The following MAP2K1 variants were observed in gnomAD, a reference collection of about 807,000 sequenced individuals.
The protein encoded by MAP2K1 is mitogen-activated protein kinase kinase 1, also known as dual specificity mitogen-activated protein kinase kinase 1.
MAP2K1 carries 16 observed loss-of-function variants against 46.3 expected under a neutral mutation model. The observed-to-expected ratio is 0.35, with a 90% confidence interval of 0.23 to 0.52. The LOEUF (loss-of-function observed/expected upper bound fraction) is 0.52, where lower values mean the gene tolerates loss of function less well. Ranked by LOEUF, MAP2K1 falls within the 20% of genes least tolerant of loss-of-function variation. The pLI, the probability that MAP2K1 is intolerant of heterozygous loss-of-function variation, is 0.94. For synonymous variants in MAP2K1, 183 were observed against 185.6 expected (o/e 0.99, Z 0.11); for missense variants, 263 against 497.1 (o/e 0.53, Z 4.48).
Position 66,415,196 on chromosome 15 carries a change from C to G in MAP2K1, c.81-19831C>G. On this transcript the variant is annotated intron_variant, in intron 1 of 10. Coordinates refer to ENST00000307102, the MANE Select transcript of MAP2K1 (RefSeq NM_002755.4). ...TTGTTCTTCACTGGTATGACTGATG[C>G]CATCTTGGAGTCCTGGTGTCCACTG... is the stretch of plus-strand genomic sequence containing the variant. The G allele has an allele frequency of 7.9e-6, 4 of 508,666 alleles. No homozygotes were observed. The Admixed American group carries it at 8.1e-5, about 10-fold the overall frequency. 31.5% of individuals were successfully genotyped at this position (508,666 alleles called of 1,614,324 possible). A position where few individuals can be genotyped will look rare whatever the true frequency, so the allele number is the denominator to read the frequency against.
chr15:66,429,297 T>C (rs2093468277), intron 1 of MAP2K1, among the ~76,000 whole-genome samples: 5 of 152,008 alleles, frequency 3.3e-5, no homozygotes, highest in Admixed American at 3.3e-4. Context: ...GAAGTGCCAG[T>C]AGGGGAAATG....
At chr15:66,481,454 A>C (rs1192154133) in intron 5 of MAP2K1, among the ~76,000 whole-genome samples, 2 of 152,192 alleles carry the variant, frequency 1.3e-5, no homozygotes, top group Non-Finnish European at 2.9e-5. Context: ...ACTGTTCATG[A>C]TAACGGACTC....
chr15:66,466,023 A>G (rs1248731007), intron 5 of MAP2K1, among the ~76,000 whole-genome samples: 1 of 152,194 alleles, frequency 6.6e-6, no homozygotes, highest in Non-Finnish European at 1.5e-5. Context: ...GTCCCAAGAT[A>G]ACTTGGGGCT....
chr15:66,448,555 C>G (rs1318630179), intron 5 of MAP2K1, among the ~76,000 whole-genome samples: 1 of 152,222 alleles, frequency 6.6e-6, no homozygotes, highest in African/African-American at 2.4e-5. Flanking sequence ...TGTTCCCTCT[C>G]ATTTCCAGGG....
chr15:66,449,697 A>G (rs1891982975), intron 5 of MAP2K1, among the ~76,000 whole-genome samples: 1 of 152,180 alleles, frequency 6.6e-6, no homozygotes, highest in Non-Finnish European at 1.5e-5. Context: ...CCTGGCCAAC[A>G]TGGTGAAACC....
At chr15:66,475,374 C>T (rs922147614) in intron 5 of MAP2K1, among the ~76,000 whole-genome samples, 1 of 152,086 alleles carries the variant, frequency 6.6e-6, no homozygotes, top group African/African-American at 2.4e-5. Flanking sequence ...TTAACTGTTG[C>T]TTATCTACTT....
intron 5 of MAP2K1, among the ~76,000 whole-genome samples, chr15:66,472,813 A>G (rs1316929283): frequency 6.6e-6 from 1 of 152,198 alleles, no homozygotes; most frequent in East Asian, 1.9e-4. Context: ...TGACCCAGGC[A>G]CAAATGGGGA....
intron 9 of MAP2K1, 105 bp from the exon 10 acceptor site, chr15:66,489,613 C>T: frequency 1.1e-6 from 1 of 878,682 alleles, no homozygotes; most frequent in African/African-American, 1.6e-5. Context: ...CAAGCCCAGG[C>T]AATCCTCGGC....
intron 1 of MAP2K1, among the ~76,000 whole-genome samples, chr15:66,392,015 A>G (rs995119394): frequency 6.6e-6 from 1 of 152,216 alleles, no homozygotes; most frequent in Non-Finnish European, 1.5e-5. Context: ...GGCTCTGTAG[A>G]TTGGAGTCCT....
At chr15:66,443,082 A>ATTTTTTTTTTTTTTTTTTTTTTT in intron 3 of MAP2K1, among the ~76,000 whole-genome samples, 198 bp from the exon 4 acceptor site, 1 of 91,064 alleles carries the variant, frequency 1.1e-5, no homozygotes. Context: ...TTGTGTGTGT[A>ATTTTTTTTTTTTTTTTTTTTTTT]TTTTTTTTTT....
At chr15:66,433,066 C>G (rs143069107) in intron 1 of MAP2K1, among the ~76,000 whole-genome samples, 43 of 151,336 alleles carry the variant, frequency 2.8e-4, no homozygotes, top group African/African-American at 9.9e-4. Flanking sequence ...TGTAACCTCA[C>G]TCAGGTTTTA....
intron 5 of MAP2K1, 171 bp downstream of exon 5, chr15:66,444,878 C>T: frequency 3.1e-6 from 2 of 635,220 alleles, no homozygotes; most frequent in Non-Finnish European, 2.8e-6. Flanking sequence ...AACTCCTACC[C>T]TCTTTTTGGT....
intron 1 of MAP2K1, among the ~76,000 whole-genome samples, chr15:66,418,327 T>TTAAC: frequency 6.6e-6 from 1 of 152,296 alleles, no homozygotes; most frequent in East Asian, 1.9e-4. Flanking sequence ...GTTATGAGGT[T>TTAAC]TAACTGATTG....
At chr15:66,397,206 G>A (rs912200519) in intron 1 of MAP2K1, among the ~76,000 whole-genome samples, 8 of 149,594 alleles carry the variant, frequency 5.3e-5, no homozygotes, top group East Asian at 4.0e-4. Flanking sequence ...AGGTTTCACC[G>A]TGTAGCCAGG....
At chr15:66,479,051 C>A (rs916481151) in intron 5 of MAP2K1, among the ~76,000 whole-genome samples, 1 of 151,394 alleles carries the variant, frequency 6.6e-6, no homozygotes, top group Non-Finnish European at 1.5e-5. Flanking sequence ...CCAGTTTTTG[C>A]TGTGTGACTT....
In MAP2K1 at chr15:66,489,241, G is replaced by T. The variant is rs763249437; in HGVS notation, c.987G>T (p.Val329=). 5.0e-6 allele frequency: 8 copies of T among 1,614,018 alleles called. No homozygotes were observed. In the African/African-American group the frequency reaches 5.3e-5, roughly 11 times the overall value. ...CTCCTCCAAAACTGCCCAGTGGAGT[G>T]TTCAGTCTGGAATTTCAAGATTTTG... ...NEPPPKLPSG[V]FSLEFQDFVN... The change falls in exon 9 of 11, where the codon GTG becomes GTT. Residue 329 remains valine, a synonymous_variant. Coordinates refer to ENST00000307102, the MANE Select transcript of MAP2K1 (RefSeq NM_002755.4).
Position 66,490,954 on chromosome 15 carries a change from GCTGTCTGC to G in MAP2K1, c.*344_*351del. ...CACTGCTGTTCCTGCTCCATGACTG[GCTGTCTGC>G]CTGTATTTTCGGGATTCTTTGACAT... On this transcript the variant is annotated 3_prime_UTR_variant, in exon 11 of 11. Transcript: ENST00000307102. 2.3e-6 allele frequency: 1 copy of G among 441,018 alleles called. No homozygotes were observed. Among genetic ancestry groups the G allele is most frequent in the South Asian group, 2.3e-5 (1 of 44,278 alleles). The allele number at this position is 441,018 out of a possible 1,614,324, so 27.3% of individuals were successfully genotyped here.
At chr15:66,428,550 T>A (rs2093466050) in intron 1 of MAP2K1, among the ~76,000 whole-genome samples, 2 of 152,046 alleles carry the variant, frequency 1.3e-5, no homozygotes, top group Admixed American at 1.3e-4. Context: ...ATTCACATTA[T>A]GGAGAGTAAT....
chr15:66,489,185 C>T (rs778556762), intron 8 of MAP2K1, 30 bp from the exon 9 acceptor site: 28 of 1,587,588 alleles, frequency 1.8e-5, no homozygotes, highest in Middle Eastern at 1.7e-4. Flanking sequence ...AGGAGCCAGG[C>T]ATTTTTCTTA....
Sources: gnomAD v4.1 joint callset for allele counts (sites outside exome capture counted in the v4.1 genomes callset) on GRCh38, gnomAD v4.1.1 for gene constraint, MANE v1.5 for transcripts, NCBI Gene and HGNC (gene_info 2026-07-23, HGNC 2026-07-21) for gene names.